Variants in ADAM10 observed in about 807,000 individuals in gnomAD.
ADAM10 encodes ADAM metallopeptidase domain 10.
ADAM10 carries 17 observed loss-of-function variants against 90.1 expected under a neutral mutation model. The observed-to-expected ratio is 0.19, with a 90% CI of 0.13 to 0.28. The LOEUF is 0.28. Ranked by LOEUF, ADAM10 falls within the 10% of genes least tolerant of loss-of-function variation. The pLI is 1.00. For missense variants in ADAM10, 610 were observed against 914.3 expected, an observed-to-expected ratio of 0.67 and a Z score of 4.29; for synonymous variants, 310 against 298.6, an observed-to-expected ratio of 1.04 and a Z score of -0.40.
At chr15:58,649,854 C>T (rs1280695613) in intron 5 of ADAM10, among the ~76,000 whole-genome samples, 1 of 152,244 alleles carries the variant, frequency 6.6e-6, no homozygotes, top group Non-Finnish European at 1.5e-5. Flanking sequence ...AAATTCTCAG[C>T]CATTACCTGT....
chr15:58,601,640 A>G (rs1333483928), intron 14 of ADAM10, among the ~76,000 whole-genome samples: 1 of 152,146 alleles, frequency 6.6e-6, no homozygotes, highest in Non-Finnish European at 1.5e-5. Flanking sequence ...GGGCTGATAC[A>G]TTACTAACAT....
At chr15:58,678,766 A>G (rs1231445874) in intron 4 of ADAM10, among the ~76,000 whole-genome samples, 1 of 152,206 alleles carries the variant, frequency 6.6e-6, no homozygotes, top group Non-Finnish European at 1.5e-5. Context: ...AATTTATGTA[A>G]GTAGTAATGA....
intron 1 of ADAM10, 31 bp downstream of exon 1, chr15:58,749,449 G>C (rs201536164): frequency 3.3e-6 from 5 of 1,521,382 alleles, no homozygotes; most frequent in Admixed American, 2.1e-5. Context: ...CCGTGGTCGC[G>C]GCGCCCCCGG....
intron 4 of ADAM10, among the ~76,000 whole-genome samples, chr15:58,678,438 T>C (rs1332811120): frequency 1.3e-5 from 2 of 152,162 alleles, no homozygotes; most frequent in East Asian, 3.9e-4. Context: ...CTAATTACAG[T>C]CAAAAAATAA....
At position 58,610,251 on chromosome 15, in the gene ADAM10, G is replaced by A. The variant is rs1375214667; in HGVS notation, c.2025+46C>T. The stretch of plus-strand genomic sequence containing the variant: ...ATGACTTCTGGCCAAGTAAAATTAA[G>A]ATCAAACCACTTTAAGTTTTCTTTG... On this transcript the variant is annotated intron_variant, in intron 14 of 15. Coordinates refer to ENST00000260408, the MANE Select transcript of ADAM10 (RefSeq NM_001110.4). 3 of 1,553,242 alleles carry A rather than the reference G, an allele frequency of 1.9e-6. No individual in the cohort carries two copies. In the South Asian group the frequency reaches 3.3e-5, roughly 17 times the overall value.
chr15:58,663,036 C>G (rs1429830579), intron 5 of ADAM10, among the ~76,000 whole-genome samples: 1 of 152,150 alleles, frequency 6.6e-6, no homozygotes, highest in Non-Finnish European at 1.5e-5. Context: ...TGCTTGTTTT[C>G]TAATGTTTGA....
rs149429768 is a variant in ADAM10 at position 58,724,025 on chromosome 15, G to A, written c.56-6298C>T. Among the ~76,000 whole-genome samples the A allele has an allele frequency of 9.6e-3, 1,464 of 152,076 alleles. 21 individuals are homozygous for A. The highest frequency in any genetic ancestry group is 0.033 in the African/African-American group (1,386 of 41,488). On this transcript the variant is annotated intron_variant, in intron 1 of 15. Coordinates refer to ENST00000260408, the MANE Select transcript of ADAM10 (RefSeq NM_001110.4). ...GCAGGTGGATCACCCAAGGTCAGGA[G>A]TTCAAGACCAGCCTGGCCAACATGG...
At chr15:58,697,056 C>T (rs185457198) in intron 2 of ADAM10, among the ~76,000 whole-genome samples, 2 of 152,304 alleles carry the variant, frequency 1.3e-5, no homozygotes, top group East Asian at 1.9e-4. Flanking sequence ...CCCCACTGCC[C>T]CCAGCAGCAG....
At chr15:58,744,804 G>A (rs1331391831) in intron 1 of ADAM10, among the ~76,000 whole-genome samples, 2 of 152,184 alleles carry the variant, frequency 1.3e-5, no homozygotes, top group African/African-American at 4.8e-5. Flanking sequence ...AAAGCCAAGA[G>A]TTCAAGACCA....
At chr15:58,599,500 A>G in intron 15 of ADAM10, 98 bp downstream of exon 15, 1 of 1,359,760 alleles carries the variant, frequency 7.4e-7, no homozygotes. Flanking sequence ...CGGAGAAAGT[A>G]CTGTAACATT....
chr15:58,612,390 C>T (rs1258374306), intron 11 of ADAM10, among the ~76,000 whole-genome samples: 2 of 152,144 alleles, frequency 1.3e-5, no homozygotes, highest in African/African-American at 2.4e-5. Flanking sequence ...AACTGGGATA[C>T]TATGCCTACA....
chr15:58,620,214 C>G (rs749481470), intron 11 of ADAM10, among the ~76,000 whole-genome samples: 13 of 152,098 alleles, frequency 8.5e-5, no homozygotes, highest in Non-Finnish European at 1.3e-4. Context: ...GCCTGTAATC[C>G]TAGCACTTCG....
chr15:58,614,530 A>G (rs1281183845), intron 11 of ADAM10, among the ~76,000 whole-genome samples: 2 of 152,176 alleles, frequency 1.3e-5, no homozygotes, highest in East Asian at 3.9e-4. Context: ...TAATATGTTC[A>G]AAGTACTGAA....
intron 1 of ADAM10, among the ~76,000 whole-genome samples, chr15:58,721,987 C>T (rs1595656008): frequency 6.6e-6 from 1 of 152,106 alleles, no homozygotes; most frequent in East Asian, 1.9e-4. Flanking sequence ...AAAACCGCAC[C>T]ATTGCAATCC....
chr15:58,698,134 T>G, intron 2 of ADAM10: 1 of 303,308 alleles, frequency 3.3e-6, no homozygotes, highest in South Asian at 2.6e-5. Flanking sequence ...CCTAAATAAT[T>G]CTGCAGCAAT....
At chr15:58,695,447 G>T (rs1261920982) in intron 2 of ADAM10, among the ~76,000 whole-genome samples, 2 of 152,036 alleles carry the variant, frequency 1.3e-5, no homozygotes, top group African/African-American at 4.8e-5. Context: ...GTTTATAAAG[G>T]TACACACTAT....
Position 58,655,710 on chromosome 15 carries a change from A to AGTGT in ADAM10, c.585+9386_585+9387insACAC, listed in dbSNP as rs1417002676. Reference sequence around the variant, plus strand: ...TATTATATATAGTATATATATATATAGTATATATATATATATATATATATA... The same window carrying AGTGT: ...TATTATATATAGTATATATATATATAGTGTGTATATATATATATATATATATATA... On this transcript the variant is annotated intron_variant, in intron 5 of 15. Transcript: ENST00000260408. Among the ~76,000 whole-genome samples, 7 of 44,210 alleles carry AGTGT rather than the reference A, an allele frequency of 1.6e-4. No homozygotes were observed. The South Asian group carries it at 2.7e-3, about 17-fold the overall frequency. The allele number at this position is 44,210 out of a possible 152,430, so 29.0% of individuals were successfully genotyped here.
chr15:58,741,323 A>T (rs1899605985), intron 1 of ADAM10, among the ~76,000 whole-genome samples: 1 of 146,504 alleles, frequency 6.8e-6, no homozygotes, highest in Non-Finnish European at 1.5e-5. Flanking sequence ...ATTCCAACTT[A>T]AGTAAGAAAA....
chr15:58,689,223 C>T (rs1382919265), intron 2 of ADAM10, among the ~76,000 whole-genome samples: 45 of 152,290 alleles, frequency 3.0e-4, no homozygotes, highest in Admixed American at 2.8e-3. Flanking sequence ...TGGTGGCTCA[C>T]GCCTGTAATC....
Sources: gnomAD v4.1 joint callset for allele counts (sites outside exome capture counted in the v4.1 genomes callset) on GRCh38, gnomAD v4.1.1 for gene constraint, MANE v1.5 for transcripts, NCBI Gene and HGNC (gene_info 2026-07-23, HGNC 2026-07-21) for gene names.